Variants in FYN observed in about 807,000 individuals in gnomAD.
FYN encodes the protein tyrosine-protein kinase Fyn.
FYN carries 10 observed loss-of-function variants against 70.2 expected under a neutral mutation model. The observed-to-expected ratio is 0.14, with a 90% CI of 0.09 to 0.24. The LOEUF (loss-of-function observed/expected upper bound fraction) is 0.24. Ranked by LOEUF, FYN falls within the 10% of genes least tolerant of loss-of-function variation. The pLI is 1.00. For missense variants in FYN, 319 were observed against 673.1 expected, an observed-to-expected ratio of 0.47 and a Z score of 5.82; for synonymous variants, 236 against 248.6, an observed-to-expected ratio of 0.95 and a Z score of 0.48.
chr6:111,718,987 C>T (rs530048102), intron 4 of FYN, among the ~76,000 whole-genome samples: 1 of 152,284 alleles, frequency 6.6e-6, no homozygotes, highest in South Asian at 2.1e-4. Flanking sequence ...GTACCTGCTG[C>T]CAGATGGGCT....
rs1212919952 is a variant in FYN, at chr6:111,775,166, G to C, written c.-12+5400C>G. ...ATTACAGTCTTATCTCTCTAGTCAT[G>C]CACTAGAATATGTGACAGCTACTTG... On this transcript the variant is annotated intron_variant, in intron 3 of 13. Transcript: ENST00000354650. Among the ~76,000 whole-genome samples, 4 of 152,220 alleles carry C rather than the reference G, an allele frequency of 2.6e-5. No homozygotes were observed. The East Asian group carries it at 7.7e-4, about 29-fold the overall frequency.
intron 1 of FYN, among the ~76,000 whole-genome samples, chr6:111,869,575 G>T (rs1000268214): frequency 1.3e-5 from 2 of 152,174 alleles, no homozygotes; most frequent in South Asian, 2.1e-4. Context: ...AAGATTTTTC[G>T]TGGAGACGAG....
At chr6:111,855,118 C>T (rs1773791440) in intron 1 of FYN, among the ~76,000 whole-genome samples, 1 of 152,014 alleles carries the variant, frequency 6.6e-6, no homozygotes, top group South Asian at 2.1e-4. Flanking sequence ...AAAAACTTCA[C>T]CAAGAGTTAA....
chr6:111,784,712 A>T (rs1389119580), intron 2 of FYN, among the ~76,000 whole-genome samples: 1 of 152,216 alleles, frequency 6.6e-6, no homozygotes, highest in Non-Finnish European at 1.5e-5. Flanking sequence ...ACTGAAGGGT[A>T]AAAAAGGAAA....
chr6:111,725,955 T>C (rs989697331), intron 3 of FYN, among the ~76,000 whole-genome samples: 2 of 152,120 alleles, frequency 1.3e-5, no homozygotes, highest in Admixed American at 6.5e-5. Context: ...GGTATGCCAG[T>C]TCCTGGAAAA....
chr6:111,684,378 G>A (rs1173875591), intron 12 of FYN, among the ~76,000 whole-genome samples: 2 of 152,146 alleles, frequency 1.3e-5, no homozygotes, highest in Non-Finnish European at 2.9e-5. Flanking sequence ...GTTCAAGACT[G>A]GACAGAGAAG....
chr6:111,853,472 C>T (rs1371463017), intron 1 of FYN, among the ~76,000 whole-genome samples: 1 of 152,018 alleles, frequency 6.6e-6, no homozygotes, highest in Non-Finnish European at 1.5e-5. Flanking sequence ...TGTATGTTCC[C>T]TGGAAGCTTA....
intron 3 of FYN, among the ~76,000 whole-genome samples, chr6:111,759,623 A>G (rs1310058903): frequency 2.0e-5 from 3 of 152,082 alleles, no homozygotes; most frequent in Non-Finnish European, 2.9e-5. Context: ...GCCCTTCAGG[A>G]CTTTGGTGGG....
chr6:111,747,222 T>C lies in FYN; in HGVS notation c.-11-27160A>G, dbSNP rs529804503. On this transcript the variant is annotated intron_variant, in intron 3 of 13. Coordinates refer to ENST00000354650, the MANE Select transcript of FYN (RefSeq NM_002037.5). The stretch of plus-strand genomic sequence containing the variant: ...AATTCACCAGTTTCCTATGAGATAC[T>C]TGCACCCATGAGTGTCAGGTAGCTA... 3.3e-5 allele frequency among the ~76,000 whole-genome samples: 5 copies of C among 152,286 alleles called. No individual in the cohort carries two copies. The East Asian group carries it at 7.7e-4, about 24-fold the overall frequency.
At chr6:111,737,399 A>C (rs1185260069) in intron 3 of FYN, among the ~76,000 whole-genome samples, 1 of 152,214 alleles carries the variant, frequency 6.6e-6, no homozygotes, top group African/African-American at 2.4e-5. Flanking sequence ...CGGGATCTCC[A>C]CAACCCCCTC....
chr6:111,705,161 T>C (rs1019301357), intron 6 of FYN, among the ~76,000 whole-genome samples: 1 of 152,136 alleles, frequency 6.6e-6, no homozygotes, highest in African/African-American at 2.4e-5. Flanking sequence ...TTAATGTATA[T>C]GAAGATAATC....
chr6:111,764,238 G>GA lies in FYN; in HGVS notation c.-12+16327dup, dbSNP rs753761011. Among the ~76,000 whole-genome samples the GA allele has an allele frequency of 2.3e-3, 197 of 87,138 alleles. 2 individuals carry two copies. Among genetic ancestry groups the GA allele is most frequent in the Middle Eastern group, 7.4e-3 (1 of 136 alleles). 57.2% of individuals were successfully genotyped at this position (87,138 alleles called of 152,430 possible). On this transcript the variant is annotated intron_variant, in intron 3 of 13. Coordinates refer to ENST00000354650, the MANE Select transcript of FYN (RefSeq NM_002037.5). ...AAGCAAAAAAAAAAAAAAAAGAAAA[G>GA]AAAAAAAAAGAAAGAAAGAAAAAAG...
intron 1 of FYN, among the ~76,000 whole-genome samples, chr6:111,859,657 T>C (rs1773909091): frequency 6.6e-6 from 1 of 152,258 alleles, no homozygotes; most frequent in African/African-American, 2.4e-5. Context: ...CCACGATACC[T>C]GCCATTTAGC....
intron 3 of FYN, among the ~76,000 whole-genome samples, chr6:111,735,900 T>C (rs1161695802): frequency 6.6e-6 from 1 of 152,236 alleles, no homozygotes; most frequent in Non-Finnish European, 1.5e-5. Flanking sequence ...ACTTTGGAAC[T>C]ATATAAGTGA....
intron 3 of FYN, among the ~76,000 whole-genome samples, chr6:111,743,578 G>T (rs1268123296): frequency 2.6e-5 from 4 of 152,176 alleles, no homozygotes; most frequent in Non-Finnish European, 4.4e-5. Flanking sequence ...TTTTCTAATT[G>T]TGACCAAGGA....
intron 13 of FYN, among the ~76,000 whole-genome samples, chr6:111,669,992 T>C (rs1798195428): frequency 6.6e-6 from 1 of 152,024 alleles, no homozygotes; most frequent in Non-Finnish European, 1.5e-5. Context: ...AGTTGGGCTT[T>C]GAAGGGTTCT....
At chr6:111,706,491 T>C (rs984434389) in intron 6 of FYN, among the ~76,000 whole-genome samples, 3 of 152,212 alleles carry the variant, frequency 2.0e-5, no homozygotes, top group Non-Finnish European at 2.9e-5. Context: ...AATCTAGCAT[T>C]AGGTGGCGTA....
chr6:111,686,222 C>T (rs982482032), intron 12 of FYN, among the ~76,000 whole-genome samples: 1 of 152,126 alleles, frequency 6.6e-6, no homozygotes, highest in Non-Finnish European at 1.5e-5. Context: ...ATAAACAAAG[C>T]CGTCCCTCCC....
chr6:111,691,256 A>G (rs1310746771), intron 12 of FYN, among the ~76,000 whole-genome samples: 2 of 152,174 alleles, frequency 1.3e-5, no homozygotes, highest in Non-Finnish European at 1.5e-5. Flanking sequence ...TCCACACTCC[A>G]ATTCTGCTTG....
Sources: allele counts gnomAD v4.1 joint callset (sites outside exome capture counted in the v4.1 genomes callset), GRCh38; gene constraint gnomAD v4.1.1; transcripts MANE v1.5; gene names NCBI Gene and HGNC (gene_info 2026-07-23, HGNC 2026-07-21).